Variants in GNE observed in about 807,000 individuals in gnomAD.
GNE encodes glucosamine (UDP-N-acetyl)-2-epimerase/N-acetylmannosamine kinase.
A neutral mutation model predicts 61.8 loss-of-function variants in GNE; 41 were observed. The observed-to-expected ratio is 0.66, with a 90% CI of 0.52 to 0.86. GNE has a LOEUF of 0.86. Among genes scored for constraint, GNE ranks in the 40% least tolerant of loss-of-function variants. The pLI is 0.00. For synonymous variants in GNE, 264 were observed against 326.4 expected (o/e 0.81, Z 2.06); for missense variants, 608 against 909.1 (o/e 0.67, Z 4.26).
In GNE at chr9:36,271,130, G is replaced by A. The variant is rs557049356; in HGVS notation, c.51+5764C>T. Reference sequence around the variant, plus strand: ...CATTTAAGGTCCTCCACAATTTAAGGGTCCTGACCTTTTGCTGATCTTACC... The same window carrying A: ...CATTTAAGGTCCTCCACAATTTAAGAGTCCTGACCTTTTGCTGATCTTACC... On this transcript the variant is annotated intron_variant, in intron 1 of 11. Coordinates refer to the GNE transcript ENST00000396594. 2.1e-3 allele frequency among the ~76,000 whole-genome samples: 317 copies of A among 152,126 alleles called. 1 individual carries two copies. The highest frequency in any genetic ancestry group is 7.4e-3 in the African/African-American group (306 of 41,500).
intron 1 of GNE, among the ~76,000 whole-genome samples, chr9:36,274,718 T>G (rs576086380): frequency 8.8e-4 from 134 of 151,964 alleles, no homozygotes; most frequent in African/African-American, 2.9e-3. Flanking sequence ...TGGTTTCACA[T>G]TCTTTTTTTT....
Position 36,219,868 on chromosome 9 carries a change from A to G in GNE, c.1786T>C (p.Leu596=). Residue 596 remains leucine, a synonymous_variant, in exon 10 of 12, where the codon TTG becomes CTG. Coordinates refer to ENST00000642385, the MANE Select transcript of GNE (RefSeq NM_005476.7). ...TGGAGCTTTTTTGCCTCCCTCTGCAAGGCCATTCCAGAGGCGTATGCTTCA... is the reference window on the plus strand; with the variant it reads ...TGGAGCTTTTTTGCCTCCCTCTGCAGGGCCATTCCAGAGGCGTATGCTTCA... The part of the protein sequence containing the change: ...CIEAYASGMA[L]QREAKKLHDE... 1 of 1,614,178 alleles carries G rather than the reference A, an allele frequency of 6.2e-7. No homozygotes were observed. Among genetic ancestry groups the G allele is most frequent in the South Asian group, 1.1e-5 (1 of 91,090 alleles).
chr9:36,234,008 A>G lies in GNE; in HGVS notation c.894T>C (p.Ile298=), dbSNP rs1277539567. Residue 298 remains isoleucine, a synonymous_variant, in exon 5 of 12, where the codon ATT becomes ATC. Transcript: ENST00000642385. ...IQLVAHAGCM[I]GNSSCGVREV... ...CTCGAACCCCACAGCTGCTGTTCCCAATCATACAGCCAGCATGGGCAACCA... is the reference window on the plus strand; with the variant it reads ...CTCGAACCCCACAGCTGCTGTTCCCGATCATACAGCCAGCATGGGCAACCA... 6.2e-7 allele frequency: 1 copy of G among 1,614,146 alleles called. No individual in the cohort carries two copies.
At chr9:36,274,068 C>CTGTGTGTGTGTGTGTGTGTGTGTG (rs71336439) in intron 1 of GNE, among the ~76,000 whole-genome samples, 1 of 142,222 alleles carries the variant, frequency 7.0e-6, no homozygotes, top group African/African-American at 2.7e-5. Flanking sequence ...GTCTATGGTA[C>CTGTGTGTGTGTGTGTGTGTGTGTG]TGTGTGTGTG....
intron 2 of GNE, among the ~76,000 whole-genome samples, chr9:36,247,217 C>T (rs1266105046): frequency 6.6e-6 from 1 of 151,960 alleles, no homozygotes; most frequent in East Asian, 1.9e-4. Flanking sequence ...CCATCACGCC[C>T]AGCTAATTTT....
At chr9:36,270,721 G>C (rs1830996795) in intron 1 of GNE, among the ~76,000 whole-genome samples, 1 of 152,024 alleles carries the variant, frequency 6.6e-6, no homozygotes, top group Non-Finnish European at 1.5e-5. Flanking sequence ...GTTTCACCAT[G>C]TTAGCCAGGA....
At chr9:36,256,478 C>G (rs1830353092) in intron 1 of GNE, among the ~76,000 whole-genome samples, 1 of 152,022 alleles carries the variant, frequency 6.6e-6, no homozygotes, top group South Asian at 2.1e-4. Context: ...CTCCTGACCT[C>G]AGGTGATCCG....
At position 36,246,217 on chromosome 9, in the gene GNE, C is replaced by G; in HGVS notation, c.430G>C (p.Asp144His). The G allele has an allele frequency of 6.2e-7, 1 of 1,614,212 alleles. No individual in the cohort carries two copies. The highest frequency in any genetic ancestry group is 8.5e-7 in the Non-Finnish European group (1 of 1,180,026). ...EGGEVSGTID[D>H]SIRHAITKLA... ...TTTGTTATGGCATGTCTGATAGAGT[C>G]ATCAATGGTCCCACTGACTTCCCCA... The change falls in exon 3 of 12, where the codon GAC becomes CAC. Residue 144 changes from aspartate (D) to histidine (H), a missense_variant. By Grantham distance (81) the Asp-to-His change is moderately conservative. Transcript: ENST00000642385.
chr9:36,246,243 C>T lies in GNE; in HGVS notation c.404G>A (p.Gly135Asp). 1 of 1,614,216 alleles carries T rather than the reference C, an allele frequency of 6.2e-7. No individual in the cohort carries two copies. The highest frequency in any genetic ancestry group is 8.5e-7 in the Non-Finnish European group (1 of 1,180,034). The part of the protein sequence containing the change: ...LMNIRILHIE[G>D]GEVSGTIDDS... Reference sequence around the variant, plus strand: ...ATCAATGGTCCCACTGACTTCCCCACCTTCAATGTGAAGGATTCGGATGTT... The same window carrying T: ...ATCAATGGTCCCACTGACTTCCCCATCTTCAATGTGAAGGATTCGGATGTT... The change falls in exon 3 of 12, where the codon GGT (glycine) becomes GAT (aspartate). Residue 135 changes from glycine (G) to aspartate (D), a missense_variant. Gly to Asp is a moderately conservative substitution (Grantham distance 94). Transcript: ENST00000642385.
At chr9:36,219,089 T>C (rs2133001757) in intron 10 of GNE, among the ~76,000 whole-genome samples, 1 of 152,240 alleles carries the variant, frequency 6.6e-6, no homozygotes, top group East Asian at 1.9e-4. Context: ...CTGTCTCCCC[T>C]GGGCCCTCAC....
At chr9:36,223,239 G>T (rs1828689918) in intron 8 of GNE, 134 bp downstream of exon 8, 2 of 894,718 alleles carry the variant, frequency 2.2e-6, no homozygotes, top group Non-Finnish European at 3.7e-6. Context: ...CCCCATGCTT[G>T]GGGCCCACAG....
At chr9:36,258,794 C>G (rs1441274460), upstream of GNE, among the ~76,000 whole-genome samples, 1 of 152,226 alleles carries the variant, frequency 6.6e-6, no homozygotes, top group African/African-American at 2.4e-5. Flanking sequence ...TTTCTTGCGC[C>G]TCTTGTTCCC....
At chr9:36,223,757 T>C (rs987427641) in intron 7 of GNE, among the ~76,000 whole-genome samples, 3 of 146,928 alleles carry the variant, frequency 2.0e-5, no homozygotes, top group East Asian at 2.0e-4. Flanking sequence ...GCCCCTCTCT[T>C]TTTTTTTTTT....
intron 1 of GNE, among the ~76,000 whole-genome samples, chr9:36,270,659 A>G (rs1830992849): frequency 6.6e-6 from 1 of 151,878 alleles, no homozygotes; most frequent in African/African-American, 2.4e-5. Flanking sequence ...CTGGGACTGC[A>G]GGCGCCCGCC....
Position 36,229,036 on chromosome 9 carries a change from C to T in GNE, c.1055G>A (p.Gly352Asp), listed in dbSNP as rs754364693. Residue 352 changes from glycine (G) to aspartate (D), a missense_variant, in exon 6 of 12, where the codon GGT (glycine) becomes GAT (aspartate). By Grantham distance (94) the Gly-to-Asp change is moderately conservative. Coordinates refer to ENST00000642385, the MANE Select transcript of GNE (RefSeq NM_005476.7). ...KILQALHLQFGKQYPCSKIYG... is the reference protein window; with the variant it reads ...KILQALHLQFDKQYPCSKIYG... ...TTATACTCACCAAGGGTACTGTTTA[C>T]CAAACTGAAGGTGCAGTGCTTGCAA... 1.9e-6 allele frequency: 3 copies of T among 1,601,604 alleles called. No homozygotes were observed. Among genetic ancestry groups the T allele is most frequent in the African/African-American group, 2.7e-5 (2 of 74,648 alleles).
chr9:36,221,311 T>TTAAA (rs759798215), intron 9 of GNE, among the ~76,000 whole-genome samples: 5 of 152,122 alleles, frequency 3.3e-5, no homozygotes, highest in African/African-American at 1.2e-4. Context: ...GACTCACTCT[T>TTAAA]TAAATAAATA....
At chr9:36,263,901 A>C (rs1830686703) in intron 1 of GNE, among the ~76,000 whole-genome samples, 1 of 152,192 alleles carries the variant, frequency 6.6e-6, no homozygotes, top group Admixed American at 6.5e-5. Context: ...GCTAATGTGC[A>C]TGTTAAAGTA....
chr9:36,254,933 C>T (rs1276713958), intron 1 of GNE, among the ~76,000 whole-genome samples: 1 of 152,036 alleles, frequency 6.6e-6, no homozygotes, highest in African/African-American at 2.4e-5. Flanking sequence ...GCCTGGGCAA[C>T]AAGAGTGAGA....
chr9:36,223,898 C>T (rs1391689570), intron 7 of GNE, among the ~76,000 whole-genome samples: 3 of 151,900 alleles, frequency 2.0e-5, no homozygotes. Flanking sequence ...ATTACAGGTG[C>T]CTGCCACCAC....
Sources: gnomAD v4.1 joint callset for allele counts (sites outside exome capture counted in the v4.1 genomes callset) on GRCh38, gnomAD v4.1.1 for gene constraint, MANE v1.5 for transcripts, NCBI Gene and HGNC (gene_info 2026-07-23, HGNC 2026-07-21) for gene names.